The following DGKB variants were observed in gnomAD, a reference collection of about 807,000 sequenced individuals.
DGKB encodes 90 kDa diacylglycerol kinase.
Under a neutral mutation model 114.3 loss-of-function variants are expected in DGKB, and 67 were observed. The observed-to-expected ratio is 0.59, with a 90% confidence interval of 0.48 to 0.72. The LOEUF is 0.72. Among genes scored for constraint, DGKB ranks in the 30% least tolerant of loss-of-function variants. The pLI, the probability that DGKB is intolerant of heterozygous loss-of-function variation, is 0.00. For missense variants in DGKB, 907 were observed against 975.2 expected, an observed-to-expected ratio of 0.93 and a Z score of 0.93; for synonymous variants, 398 against 323.1, an observed-to-expected ratio of 1.23 and a Z score of -2.49.
At chr7:14,490,388 G>C (rs963606274) in intron 20 of DGKB, among the ~76,000 whole-genome samples, 7 of 152,090 alleles carry the variant, frequency 4.6e-5, no homozygotes, top group Admixed American at 4.6e-4. Context: ...ATTTCAATTA[G>C]ATATCTCAAA....
At chr7:14,633,297 C>G (rs1035361677) in intron 13 of DGKB, among the ~76,000 whole-genome samples, 1 of 151,986 alleles carries the variant, frequency 6.6e-6, no homozygotes, top group Non-Finnish European at 1.5e-5. Context: ...ACTGATGACC[C>G]AGCTGGAGCT....
chr7:14,462,997 T>C (rs1021936206), intron 21 of DGKB, among the ~76,000 whole-genome samples: 2 of 152,126 alleles, frequency 1.3e-5, no homozygotes, highest in Admixed American at 1.3e-4. Flanking sequence ...GGGGAAAGGA[T>C]TCCCTATTTA....
At chr7:14,417,805 G>C (rs925240900) in intron 21 of DGKB, among the ~76,000 whole-genome samples, 51 of 151,178 alleles carry the variant, frequency 3.4e-4, no homozygotes, top group African/African-American at 1.1e-3. Context: ...TTTTGGATGA[G>C]AAGGATAGTT....
chr7:14,647,239 A>C (rs943288288), intron 13 of DGKB, among the ~76,000 whole-genome samples: 1 of 152,136 alleles, frequency 6.6e-6, no homozygotes, highest in Non-Finnish European at 1.5e-5. Context: ...GAAAACTTAC[A>C]ACCTGCCAAA....
At chr7:14,170,009 C>T (rs1780625945) in intron 25 of DGKB, among the ~76,000 whole-genome samples, 1 of 151,490 alleles carries the variant, frequency 6.6e-6, no homozygotes, top group Non-Finnish European at 1.5e-5. Flanking sequence ...TGGCACATGC[C>T]TGTAATCCCA....
intron 21 of DGKB, among the ~76,000 whole-genome samples, chr7:14,452,015 C>A (rs950082519): frequency 2.0e-5 from 3 of 152,006 alleles, no homozygotes; most frequent in South Asian, 2.1e-4. Flanking sequence ...TGACTCTTTT[C>A]TGAAGTCATT....
intron 21 of DGKB, among the ~76,000 whole-genome samples, chr7:14,375,995 TA>T (rs1818423004): frequency 6.6e-6 from 1 of 152,254 alleles, no homozygotes; most frequent in Non-Finnish European, 1.5e-5. Flanking sequence ...GCTTTCATTT[TA>T]GTTTTCTAGA....
At chr7:14,970,714 T>C (rs10250723) in intron 1 of DGKB, among the ~76,000 whole-genome samples, 5,132 of 152,216 alleles carry the variant, frequency 0.034, 267 homozygotes, top group African/African-American at 0.12. Flanking sequence ...ATTCTCCCCC[T>C]GACTCCCAAA....
intron 13 of DGKB, among the ~76,000 whole-genome samples, chr7:14,650,773 G>A (rs1814271300): frequency 7.0e-6 from 1 of 143,816 alleles, no homozygotes; most frequent in African/African-American, 2.6e-5. Context: ...GAAAAAAAGA[G>A]AGAAGGATCA....
At chr7:14,257,117 C>A (rs1420279783) in intron 23 of DGKB, among the ~76,000 whole-genome samples, 6 of 152,056 alleles carry the variant, frequency 3.9e-5, no homozygotes, top group African/African-American at 1.4e-4. Flanking sequence ...GAGCTATGAT[C>A]TTGCCAATGG....
chr7:14,941,086 G>A (rs766581421), intron 1 of DGKB, among the ~76,000 whole-genome samples: 3 of 151,932 alleles, frequency 2.0e-5, no homozygotes, highest in Non-Finnish European at 1.5e-5. Flanking sequence ...GGAAGACAGA[G>A]TTATATTTTT....
chr7:14,774,930 T>G (rs1489526325), intron 2 of DGKB, among the ~76,000 whole-genome samples: 1 of 152,146 alleles, frequency 6.6e-6, no homozygotes, highest in Non-Finnish European at 1.5e-5. Context: ...GCTTTTATGT[T>G]TACAGGCAAG....
rs557968980 is a variant in DGKB at position 14,839,419 on chromosome 7, T to C, written c.70+1775A>G. On this transcript the variant is annotated intron_variant, in intron 2 of 25. Transcript: ENST00000402815. ...TACTCTTCTTCTTCTTTTTTTTTTTTTTTTTTTGACAGGGTCTGGCTGTCA... is the reference window on the plus strand; with the variant it reads ...TACTCTTCTTCTTCTTTTTTTTTTTCTTTTTTTGACAGGGTCTGGCTGTCA... Among the ~76,000 whole-genome samples, 3 of 150,466 alleles carry C rather than the reference T, an allele frequency of 2.0e-5. No individual in the cohort carries two copies. In the East Asian group the frequency reaches 5.8e-4, roughly 29 times the overall value.
chr7:14,720,849 TAAA>T (rs558389660), intron 5 of DGKB, among the ~76,000 whole-genome samples: 5 of 130,094 alleles, frequency 3.8e-5, no homozygotes, highest in Non-Finnish European at 1.7e-5. Flanking sequence ...TCCTGAGCTT[TAAA>T]AAAAAAAAAA....
At chr7:14,306,357 G>C (rs1002642972) in intron 23 of DGKB, among the ~76,000 whole-genome samples, 2 of 152,070 alleles carry the variant, frequency 1.3e-5, no homozygotes, top group African/African-American at 4.8e-5. Context: ...AGTTAGGAGA[G>C]GGATACATGA....
intron 20 of DGKB, among the ~76,000 whole-genome samples, chr7:14,528,327 C>T (rs370066205): frequency 3.9e-4 from 59 of 152,158 alleles, no homozygotes; most frequent in South Asian, 2.9e-3. Context: ...TCCCTAAACA[C>T]AGAGACGAAA....
At chr7:14,355,822 C>A (rs2128617225) in intron 21 of DGKB, among the ~76,000 whole-genome samples, 1 of 152,216 alleles carries the variant, frequency 6.6e-6, no homozygotes, top group Non-Finnish European at 1.5e-5. Flanking sequence ...CCCTCTTTCT[C>A]TGTTGATTGG....
intron 23 of DGKB, among the ~76,000 whole-genome samples, chr7:14,204,795 G>A (rs932395316): frequency 1.1e-4 from 16 of 152,104 alleles, no homozygotes; most frequent in African/African-American, 2.9e-4. Context: ...GGAAGAGAAC[G>A]TACGTTCATG....
chr7:14,169,364 C>CAAAAAAA (rs35418998), intron 25 of DGKB, among the ~76,000 whole-genome samples: 30 of 65,292 alleles, frequency 4.6e-4, no homozygotes, highest in South Asian at 3.2e-3. Flanking sequence ...GACTCCGTCT[C>CAAAAAAA]AAAAAAAAAA....
Sources: allele counts gnomAD v4.1 joint callset (sites outside exome capture counted in the v4.1 genomes callset), GRCh38; gene constraint gnomAD v4.1.1; transcripts MANE v1.5; gene names NCBI Gene and HGNC (gene_info 2026-07-23, HGNC 2026-07-21).